CTNND2: variants seen among roughly 807,000 people sequenced by gnomAD.
The protein encoded by CTNND2 is catenin delta-2.
Under a neutral mutation model 144.4 loss-of-function variants are expected in CTNND2, and 22 were observed. The observed-to-expected ratio is 0.15, with a 90% CI of 0.11 to 0.22. The LOEUF is 0.22. Ranked by LOEUF, CTNND2 falls within the 10% of genes least tolerant of loss-of-function variation. The probability of loss-of-function intolerance (pLI) is 1.00; values close to 1 mark genes in which losing one functional copy is unlikely to be tolerated. For missense variants in CTNND2, 1,353 were observed against 1,618.8 expected (o/e 0.84, Z 2.82); for synonymous variants, 751 against 695.6 (o/e 1.08, Z -1.25).
chr5:11,138,236 C>T (rs1249719348), intron 12 of CTNND2, among the ~76,000 whole-genome samples: 1 of 152,294 alleles, frequency 6.6e-6, no homozygotes, highest in East Asian at 1.9e-4. Flanking sequence ...AGCCAGAGAA[C>T]ATTCTCTGCT....
rs142171115 is a variant in CTNND2 at position 11,471,677 on chromosome 5, G to A, written c.288-59608C>T. ...AGCTCAGGAAGTTCATTCTATAAAG[G>A]CCAAAAAGTGGTCCATTAAATATCA... On this transcript the variant is annotated intron_variant, in intron 3 of 21. Coordinates refer to ENST00000304623, the MANE Select transcript of CTNND2 (RefSeq NM_001332.4). 3.6e-3 allele frequency among the ~76,000 whole-genome samples: 555 copies of A among 152,182 alleles called. 4 individuals are homozygous for A. Among genetic ancestry groups the A allele is most frequent in the African/African-American group, 0.012 (518 of 41,524 alleles).
intron 18 of CTNND2, among the ~76,000 whole-genome samples, chr5:11,011,480 G>T (rs1446251942): frequency 6.6e-6 from 1 of 152,148 alleles, no homozygotes; most frequent in African/African-American, 2.4e-5. Context: ...GCCTCCCAAA[G>T]TGCTGGGATT....
intron 1 of CTNND2, among the ~76,000 whole-genome samples, chr5:11,760,932 C>T (rs978167208): frequency 6.6e-6 from 1 of 152,096 alleles, no homozygotes; most frequent in East Asian, 1.9e-4. Context: ...GAATTGATCA[C>T]GTTTAACCTA....
intron 16 of CTNND2, among the ~76,000 whole-genome samples, chr5:11,047,746 C>T (rs1399164639): frequency 2.6e-5 from 4 of 152,112 alleles, no homozygotes; most frequent in African/African-American, 9.7e-5. Context: ...CATGTCATGT[C>T]GCTAGCTCCC....
At chr5:11,103,753 G>A (rs568573963) in intron 14 of CTNND2, among the ~76,000 whole-genome samples, 85 of 152,050 alleles carry the variant, frequency 5.6e-4, no homozygotes, top group African/African-American at 2.0e-3. Context: ...TGTAAACATG[G>A]GGTTCTTTAA....
intron 1 of CTNND2, among the ~76,000 whole-genome samples, chr5:11,816,627 A>G: frequency 1.1e-5 from 1 of 92,800 alleles, no homozygotes; most frequent in Non-Finnish European, 2.2e-5. Context: ...GAGAGGGAAG[A>G]GGGAGAGGGG....
chr5:11,199,670 G>A lies in CTNND2; in HGVS notation c.1762-9C>T, dbSNP rs1353661305. The A allele has an allele frequency of 1.2e-6, 2 of 1,610,808 alleles. No homozygotes were observed. Among genetic ancestry groups the A allele is most frequent in the Non-Finnish European group, 1.7e-6 (2 of 1,177,752 alleles). ...CCTCCTTGTCTCCTTATCTGAAAGA[G>A]CAAAGGACACCACTTTTGCTTTACA... On this transcript the variant is annotated splice_polypyrimidine_tract_variant and intron_variant, in intron 10 of 21. Transcript: ENST00000304623.
At position 11,210,474 on chromosome 5, in the gene CTNND2, C is replaced by T. The variant is rs868484349; in HGVS notation, c.1762-10813G>A. ...CTGATAACAAATACTCTTCAAATGC[C>T]GGTCTTACTTTTTAAAAGAAATAGT... is the stretch of plus-strand genomic sequence containing the variant. On this transcript the variant is annotated intron_variant, in intron 10 of 21. Coordinates refer to ENST00000304623, the MANE Select transcript of CTNND2 (RefSeq NM_001332.4). Among the ~76,000 whole-genome samples, 32 of 152,202 alleles carry T rather than the reference C, an allele frequency of 2.1e-4. 1 individual carries two copies. Among genetic ancestry groups the T allele is most frequent in the Admixed American group, 1.3e-3 (20 of 15,290 alleles).
At chr5:11,824,267 A>T (rs764471169) in intron 1 of CTNND2, among the ~76,000 whole-genome samples, 1 of 152,206 alleles carries the variant, frequency 6.6e-6, no homozygotes, top group Non-Finnish European at 1.5e-5. Flanking sequence ...CATTTTATAA[A>T]CATCCATAGT....
At position 11,079,012 on chromosome 5, in the gene CTNND2, C is replaced by A. The variant is rs374337462; in HGVS notation, c.2788+3684G>T. ...GAATAAATAAATGGCTGAAGAGCTG[C>A]AAATATTATGGTTTTTCTTGGAGGA... is the stretch of plus-strand genomic sequence containing the variant. On this transcript the variant is annotated intron_variant, in intron 16 of 21. Transcript: ENST00000304623. Among the ~76,000 whole-genome samples the A allele has an allele frequency of 2.6e-5, 4 of 152,220 alleles. 1 individual carries two copies. The highest frequency in any genetic ancestry group is 9.6e-5 in the African/African-American group (4 of 41,524).
chr5:11,751,750 G>T (rs1006549552), intron 1 of CTNND2, among the ~76,000 whole-genome samples: 1 of 151,864 alleles, frequency 6.6e-6, no homozygotes, highest in Non-Finnish European at 1.5e-5. Context: ...TTGCTGGGTT[G>T]AATGACACTT....
intron 9 of CTNND2, among the ~76,000 whole-genome samples, chr5:11,313,478 T>C (rs1404614313): frequency 1.3e-5 from 2 of 152,128 alleles, no homozygotes; most frequent in East Asian, 3.9e-4. Context: ...GCCTGTGAGG[T>C]GCAGTGGAAG....
At chr5:11,070,571 T>C (rs1748150181) in intron 16 of CTNND2, among the ~76,000 whole-genome samples, 1 of 152,136 alleles carries the variant, frequency 6.6e-6, no homozygotes, top group Non-Finnish European at 1.5e-5. Flanking sequence ...TAATCAATAA[T>C]GACCAAGCAT....
chr5:11,733,488 G>A (rs1186768860), intron 1 of CTNND2, among the ~76,000 whole-genome samples: 1 of 151,828 alleles, frequency 6.6e-6, no homozygotes, highest in Non-Finnish European at 1.5e-5. Context: ...GTTTGAGAGG[G>A]TTTTTCCCAA....
intron 11 of CTNND2, among the ~76,000 whole-genome samples, chr5:11,183,848 C>T (rs906555454): frequency 2.0e-5 from 3 of 152,114 alleles, no homozygotes; most frequent in Non-Finnish European, 2.9e-5. Flanking sequence ...CTTGAGCCAC[C>T]GCGCCTGGCC....
chr5:11,876,706 G>C (rs1162854357), intron 1 of CTNND2, among the ~76,000 whole-genome samples: 4 of 152,164 alleles, frequency 2.6e-5, no homozygotes, highest in Non-Finnish European at 4.4e-5. Flanking sequence ...GATGTAGATT[G>C]AAAAGGTGTT....
intron 2 of CTNND2, among the ~76,000 whole-genome samples, chr5:11,582,504 G>A (rs778110823): frequency 6.6e-6 from 1 of 152,206 alleles, no homozygotes; most frequent in Non-Finnish European, 1.5e-5. Context: ...GCTGGCAGAT[G>A]TTCTGGTGAG....
chr5:11,238,698 A>G (rs1741899436), intron 9 of CTNND2, among the ~76,000 whole-genome samples: 1 of 152,210 alleles, frequency 6.6e-6, no homozygotes, highest in Non-Finnish European at 1.5e-5. Flanking sequence ...ATACACACAC[A>G]GATATATATA....
At chr5:11,356,749 G>A (rs191656561) in intron 8 of CTNND2, among the ~76,000 whole-genome samples, 22 of 151,632 alleles carry the variant, frequency 1.5e-4, no homozygotes, top group Admixed American at 1.4e-3. Context: ...ACAATCTATA[G>A]AATGCGAGAA....
Sources: allele counts gnomAD v4.1 joint callset (sites outside exome capture counted in the v4.1 genomes callset), GRCh38; gene constraint gnomAD v4.1.1; transcripts MANE v1.5; gene names NCBI Gene and HGNC (gene_info 2026-07-23, HGNC 2026-07-21).